DNAJC24: variants seen among roughly 807,000 people sequenced by gnomAD.
DNAJC24 encodes DnaJ heat shock protein family (Hsp40) member C24.
A neutral mutation model predicts 18.0 loss-of-function variants in DNAJC24; 17 were observed. The ratio of observed to expected loss-of-function variants is 0.94; its 90% CI spans 0.65 to 1.42. The LOEUF (loss-of-function observed/expected upper bound fraction) is 1.42, where lower values mean the gene tolerates loss of function less well. Among genes scored for constraint, DNAJC24 ranks in the 40% most tolerant of loss-of-function variants. DNAJC24 has a pLI of 0.00. For missense variants in DNAJC24, 158 were observed against 175.6 expected (o/e 0.90, Z 0.57); for synonymous variants, 55 against 57.7 (o/e 0.95, Z 0.21).
intron 2 of DNAJC24, among the ~76,000 whole-genome samples, chr11:31,383,228 A>T (rs569182468): frequency 2.6e-5 from 4 of 151,350 alleles, no homozygotes; most frequent in African/African-American, 9.7e-5. Context: ...TCAACCATCA[A>T]CCCCTCTCCA....
intron 2 of DNAJC24, among the ~76,000 whole-genome samples, chr11:31,399,737 TTC>T (rs1356909139): frequency 2.7e-4 from 37 of 137,198 alleles, no homozygotes; most frequent in African/African-American, 4.1e-4. Context: ...TAACTGTTTT[TTC>T]TTTTTTTTTT....
Position 31,370,863 on chromosome 11 carries a change from A to G in DNAJC24, c.111+4A>G. 1.3e-6 allele frequency: 2 copies of G among 1,547,924 alleles called. No individual in the cohort carries two copies. Among genetic ancestry groups the G allele is most frequent in the Non-Finnish European group, 1.8e-6 (2 of 1,133,282 alleles). On this transcript the variant is annotated splice_donor_region_variant and intron_variant, in intron 2 of 4. Transcript: ENST00000465995. Reference sequence around the variant, plus strand: ...ATATCAAAAACTCATATTAATGGTAAGTCTTTTCTTTCAGATTTTAAATCA... The same window carrying G: ...ATATCAAAAACTCATATTAATGGTAGGTCTTTTCTTTCAGATTTTAAATCA...
chr11:31,390,724 A>AAG (rs1952486841), intron 2 of DNAJC24, among the ~76,000 whole-genome samples: 1 of 151,492 alleles, frequency 6.6e-6, no homozygotes, highest in Non-Finnish European at 1.5e-5. Context: ...AAAAAAAAAA[A>AAG]AAGTAATCTC....
chr11:31,382,846 C>G (rs1426439890), intron 2 of DNAJC24, among the ~76,000 whole-genome samples: 4 of 152,160 alleles, frequency 2.6e-5, no homozygotes, highest in Non-Finnish European at 4.4e-5. Flanking sequence ...TAAGACTCCC[C>G]TCCATGTTAG....
In DNAJC24 at chr11:31,422,239, A is replaced by G. The variant is rs1178298708; in HGVS notation, c.251-4048A>G. The G allele has an allele frequency of 3.5e-5, 7 of 199,650 alleles. No homozygotes were observed. The East Asian group carries it at 1.1e-3, about 31-fold the overall frequency. The allele number at this position is 199,650 out of a possible 1,614,324, so 12.4% of individuals were successfully genotyped here. A position where few individuals can be genotyped will look rare whatever the true frequency, so the allele number is the denominator to read the frequency against. On this transcript the variant is annotated intron_variant, in intron 3 of 4. Coordinates refer to ENST00000465995, the MANE Select transcript of DNAJC24 (RefSeq NM_181706.5). ...AGATTTGGAAGTTTTTCTTGTTTCC[A>G]TATTTGGCTAAGCTTGTAAGCACAG... is the stretch of plus-strand genomic sequence containing the variant.
In DNAJC24 at chr11:31,430,281, T is replaced by G; in HGVS notation, c.330T>G (p.Ser110=). 1 of 1,607,222 alleles carries G rather than the reference T, an allele frequency of 6.2e-7. No homozygotes were observed. Among genetic ancestry groups the G allele is most frequent in the East Asian group, 2.2e-5 (1 of 44,670 alleles). Residue 110 remains serine (S), a synonymous_variant, in exon 5 of 5, where the codon TCT becomes TCG. Coordinates refer to ENST00000465995, the MANE Select transcript of DNAJC24 (RefSeq NM_181706.5). Reference sequence around the variant, plus strand: ...TGTTTTCTTTTGCAGGTGATCACTCTTTTTATCTGAGTTGCAGATGTGGTG... The same window carrying G: ...TGTTTTCTTTTGCAGGTGATCACTCGTTTTATCTGAGTTGCAGATGTGGTG... ...EEMSWNEGDH[S]FYLSCRCGGK... is the part of the protein sequence containing the mutation.
chr11:31,385,708 G>T (rs949493603), intron 2 of DNAJC24, among the ~76,000 whole-genome samples: 1 of 152,128 alleles, frequency 6.6e-6, no homozygotes, highest in Non-Finnish European at 1.5e-5. Context: ...GTGAAAAGGT[G>T]ATAGTAATAA....
chr11:31,410,393 C>T (rs1014212039), intron 2 of DNAJC24, among the ~76,000 whole-genome samples: 9 of 152,078 alleles, frequency 5.9e-5, no homozygotes, highest in African/African-American at 1.9e-4. Flanking sequence ...GTCTTTTTAT[C>T]ATTGATTTAT....
intron 2 of DNAJC24, among the ~76,000 whole-genome samples, chr11:31,411,620 A>G (rs1046086475): frequency 6.6e-6 from 1 of 151,948 alleles, no homozygotes; most frequent in Non-Finnish European, 1.5e-5. Flanking sequence ...AGCATTTCAG[A>G]TCTCTCTCTC....
At chr11:31,406,012 A>G (rs1018933796) in intron 2 of DNAJC24, among the ~76,000 whole-genome samples, 4 of 152,192 alleles carry the variant, frequency 2.6e-5, no homozygotes, top group African/African-American at 7.2e-5. Context: ...GCTGAAAGGT[A>G]CTACCTCCTA....
intron 3 of DNAJC24, among the ~76,000 whole-genome samples, chr11:31,417,902 A>T (rs1952765213): frequency 6.6e-6 from 1 of 152,072 alleles, no homozygotes; most frequent in Non-Finnish European, 1.5e-5. Flanking sequence ...AAAAGAAATG[A>T]TCATATGTGT....
In DNAJC24 at chr11:31,430,496, GC is replaced by G. The variant is rs1952911126; in HGVS notation, c.*98del. On this transcript the variant is annotated 3_prime_UTR_variant, in exon 5 of 5. Coordinates refer to ENST00000465995, the MANE Select transcript of DNAJC24 (RefSeq NM_181706.5). ...ATTCAAGGAAATGGATTATTTGTCAGCCCGATTATTTGCAAAGAAAATATAC... is the reference window on the plus strand; with the variant it reads ...ATTCAAGGAAATGGATTATTTGTCAGCCGATTATTTGCAAAGAAAATATAC... The G allele has an allele frequency of 8.8e-7, 1 of 1,135,974 alleles. No homozygotes were observed. The highest frequency in any genetic ancestry group is 1.6e-5 in the African/African-American group (1 of 63,464). The allele number at this position is 1,135,974 out of a possible 1,614,324, so 70.4% of individuals were successfully genotyped here. A position where few individuals can be genotyped will look rare whatever the true frequency, so the allele number is the denominator to read the frequency against.
At chr11:31,397,007 A>G (rs1023004873) in intron 2 of DNAJC24, among the ~76,000 whole-genome samples, 9 of 152,202 alleles carry the variant, frequency 5.9e-5, no homozygotes, top group African/African-American at 2.2e-4. Flanking sequence ...AGCCAACTCT[A>G]TGCATCCTTC....
intron 2 of DNAJC24, among the ~76,000 whole-genome samples, chr11:31,400,607 G>A (rs990699144): frequency 6.6e-6 from 1 of 152,144 alleles, no homozygotes; most frequent in Admixed American, 6.5e-5. Context: ...TGACAAACCT[G>A]ACAGAAACAA....
At chr11:31,399,414 CTT>C (rs568328386) in intron 2 of DNAJC24, among the ~76,000 whole-genome samples, 2 of 138,422 alleles carry the variant, frequency 1.4e-5, no homozygotes, top group East Asian at 2.1e-4. Context: ...TCTTAATTCT[CTT>C]TTTTTTTTTT....
intron 2 of DNAJC24, among the ~76,000 whole-genome samples, chr11:31,385,980 A>G (rs1217510606): frequency 6.6e-6 from 1 of 152,210 alleles, no homozygotes; most frequent in East Asian, 1.9e-4. Context: ...TTGCATCCAC[A>G]GTGCTGCTGT....
chr11:31,414,547 A>G (rs186492412), intron 2 of DNAJC24, among the ~76,000 whole-genome samples: 2 of 152,270 alleles, frequency 1.3e-5, no homozygotes, highest in East Asian at 3.9e-4. Flanking sequence ...CATGAGACCA[A>G]GGATTCCATG....
At chr11:31,399,739 CTTTTTTTTTTTT>C (rs757871094) in intron 2 of DNAJC24, among the ~76,000 whole-genome samples, 3 of 97,056 alleles carry the variant, frequency 3.1e-5, no homozygotes, top group Non-Finnish European at 4.0e-5. Context: ...ACTGTTTTTT[CTTTTTTTTTTTT>C]TTTTTTTTTT....
chr11:31,400,840 A>G (rs1022081925), intron 2 of DNAJC24, among the ~76,000 whole-genome samples: 6 of 152,208 alleles, frequency 3.9e-5, no homozygotes, highest in African/African-American at 1.2e-4. Context: ...TGACTAAAAC[A>G]CCAAAAGCAA....
Sources: allele counts gnomAD v4.1 joint callset (sites outside exome capture counted in the v4.1 genomes callset), GRCh38; gene constraint gnomAD v4.1.1; transcripts MANE v1.5; gene names NCBI Gene and HGNC (gene_info 2026-07-23, HGNC 2026-07-21).